ITGA9: variants seen among roughly 807,000 people sequenced by gnomAD.
ITGA9 encodes integrin alpha-9.
A neutral mutation model predicts 127.8 loss-of-function variants in ITGA9; 56 were observed. That is an observed-to-expected ratio of 0.44 (90% CI 0.35 to 0.55). The LOEUF is 0.55. Ranked by LOEUF, ITGA9 falls within the 20% of genes least tolerant of loss-of-function variation. The pLI, the probability that ITGA9 is intolerant of heterozygous loss-of-function variation, is 0.00. For synonymous variants in ITGA9, 508 were observed against 514.5 expected, an observed-to-expected ratio of 0.99 and a Z score of 0.17; for missense variants, 1,196 against 1,347.1, an observed-to-expected ratio of 0.89 and a Z score of 1.76.
At chr3:37,670,485 C>G (rs1700627383) in intron 17 of ITGA9, among the ~76,000 whole-genome samples, 1 of 152,170 alleles carries the variant, frequency 6.6e-6, no homozygotes, top group South Asian at 2.1e-4. Flanking sequence ...ATTTTGTTTT[C>G]ACTAACTTCA....
At chr3:37,564,574 C>T (rs1048725872) in intron 15 of ITGA9, among the ~76,000 whole-genome samples, 1 of 152,240 alleles carries the variant, frequency 6.6e-6, no homozygotes, top group African/African-American at 2.4e-5. Flanking sequence ...GATCCTTTCT[C>T]TTCCTCCCTT....
chr3:37,628,980 CA>C (rs1437114444), intron 15 of ITGA9, among the ~76,000 whole-genome samples: 10 of 152,158 alleles, frequency 6.6e-5, no homozygotes, highest in African/African-American at 2.4e-4. Context: ...CCCCACCCAT[CA>C]ACAGAATGAC....
intron 26 of ITGA9, among the ~76,000 whole-genome samples, chr3:37,791,318 A>G (rs1185654772): frequency 1.3e-5 from 2 of 152,094 alleles, no homozygotes. Flanking sequence ...AAGTCCACAG[A>G]TGAGTCGGTA....
At position 37,629,193 on chromosome 3, in the gene ITGA9, G is replaced by T; in HGVS notation, c.1696G>T (p.Val566Leu). The T allele has an allele frequency of 6.2e-7, 1 of 1,612,686 alleles. No homozygotes were observed. Among genetic ancestry groups the T allele is most frequent in the Non-Finnish European group, 8.5e-7 (1 of 1,179,882 alleles). ...TATTTGTTTATTGTTTCAGCGGAGG[G>T]TGCAGGACGTCATCAGCCCGATCGT... is the stretch of plus-strand genomic sequence containing the variant. ...RHYVAHVKRR[V>L]QDVISPIVFE... is the part of the protein sequence containing the mutation. The change falls in exon 16 of 28, where the codon GTG becomes TTG. Residue 566 changes from valine to leucine, a missense_variant. Coordinates refer to ENST00000264741, the MANE Select transcript of ITGA9 (RefSeq NM_002207.3). The surrounding 1 kb of genome is among the most constrained non-coding windows in gnomAD (Gnocchi z 4.5).
intron 7 of ITGA9, 51 bp downstream of exon 7, chr3:37,506,136 A>G (rs1199748402): frequency 2.3e-6 from 3 of 1,320,090 alleles, no homozygotes; most frequent in Non-Finnish European, 3.2e-6. Flanking sequence ...AGAGGGGAGC[A>G]TGCTGTCCCT....
chr3:37,635,774 AC>A (rs1700271715), intron 16 of ITGA9, among the ~76,000 whole-genome samples: 1 of 53,878 alleles, frequency 1.9e-5, no homozygotes, highest in Non-Finnish European at 3.5e-5. Flanking sequence ...ATGCTATCCC[AC>A]CCCCCTCCCC....
chr3:37,631,058 G>A (rs1329941102), intron 16 of ITGA9, among the ~76,000 whole-genome samples: 1 of 152,162 alleles, frequency 6.6e-6, no homozygotes, highest in Non-Finnish European at 1.5e-5. Context: ...ATGGTATTAT[G>A]GTAACTTCTA....
intron 17 of ITGA9, among the ~76,000 whole-genome samples, chr3:37,667,865 T>A (rs1297382880): frequency 6.6e-6 from 1 of 152,218 alleles, no homozygotes; most frequent in African/African-American, 2.4e-5. Flanking sequence ...TCTAGCAATT[T>A]GACCCATGGG....
chr3:37,559,439 CT>C (rs1169184433), intron 15 of ITGA9, among the ~76,000 whole-genome samples: 1 of 152,186 alleles, frequency 6.6e-6, no homozygotes, highest in African/African-American at 2.4e-5. Context: ...TGAGGCATTG[CT>C]TTTAAAGTGC....
At chr3:37,621,604 C>A (rs1380288481) in intron 15 of ITGA9, among the ~76,000 whole-genome samples, 1 of 152,174 alleles carries the variant, frequency 6.6e-6, no homozygotes, top group Admixed American at 6.5e-5. Flanking sequence ...AAAATCAAAC[C>A]ATTCCCAAAT....
chr3:37,467,003 C>G (rs1298261955), intron 1 of ITGA9, among the ~76,000 whole-genome samples: 1 of 152,220 alleles, frequency 6.6e-6, no homozygotes, highest in Non-Finnish European at 1.5e-5. Flanking sequence ...ATGGTAATCT[C>G]TGTATCCCTT....
intron 23 of ITGA9, among the ~76,000 whole-genome samples, chr3:37,772,947 C>T (rs1356201845): frequency 2.0e-5 from 3 of 152,288 alleles, no homozygotes; most frequent in South Asian, 4.1e-4. Flanking sequence ...AAACTCCCGG[C>T]GGGAGACAGA....
chr3:37,530,847 G>A (rs1699144162), intron 13 of ITGA9, among the ~76,000 whole-genome samples: 2 of 144,816 alleles, frequency 1.4e-5, no homozygotes, highest in Admixed American at 1.4e-4. Flanking sequence ...TGCCTCCCGG[G>A]TTCACGTCAT....
intron 26 of ITGA9, among the ~76,000 whole-genome samples, chr3:37,789,423 T>C (rs1323417370): frequency 1.3e-5 from 2 of 151,922 alleles, no homozygotes; most frequent in Non-Finnish European, 2.9e-5. Context: ...CAAAATATAT[T>C]CCATGGCAAT....
At chr3:37,532,464 G>A (rs1367114770) in intron 13 of ITGA9, among the ~76,000 whole-genome samples, 2 of 152,252 alleles carry the variant, frequency 1.3e-5, no homozygotes, top group East Asian at 1.9e-4. Flanking sequence ...CACCCCAGTG[G>A]TGTGAAGGCC....
At chr3:37,688,645 A>C (rs1700802335) in intron 18 of ITGA9, among the ~76,000 whole-genome samples, 1 of 151,680 alleles carries the variant, frequency 6.6e-6, no homozygotes, top group Non-Finnish European at 1.5e-5. Context: ...CCACATACTC[A>C]CTTGAATCAG....
At chr3:37,637,516 G>C (rs1007109367) in intron 16 of ITGA9, among the ~76,000 whole-genome samples, 1 of 152,292 alleles carries the variant, frequency 6.6e-6, no homozygotes, top group African/African-American at 2.4e-5. Context: ...TTGCTTATCA[G>C]CTTGAGGAGA....
intron 17 of ITGA9, among the ~76,000 whole-genome samples, chr3:37,666,202 C>T (rs1700584998): frequency 6.6e-6 from 1 of 152,190 alleles, no homozygotes. Context: ...CAGCACTCTA[C>T]ATGGTCTGAG....
intron 12 of ITGA9, among the ~76,000 whole-genome samples, chr3:37,524,609 A>G (rs1262013385): frequency 1.3e-5 from 2 of 152,226 alleles, no homozygotes; most frequent in Non-Finnish European, 2.9e-5. Context: ...ATAATACCTT[A>G]TATGGGTTTA....
Sources: allele counts gnomAD v4.1 joint callset (sites outside exome capture counted in the v4.1 genomes callset), GRCh38; gene constraint gnomAD v4.1.1; non-coding constraint Gnocchi (gnomAD v3.1); transcripts MANE v1.5; gene names NCBI Gene and HGNC (gene_info 2026-07-23, HGNC 2026-07-21).